The following TBXAS1 variants were observed in gnomAD, a reference collection of about 807,000 sequenced individuals.
TBXAS1 encodes thromboxane-A synthase.
Under a neutral mutation model 60.7 loss-of-function variants are expected in TBXAS1, and 48 were observed. The ratio of observed to expected loss-of-function variants is 0.79; its 90% confidence interval spans 0.63 to 1.01. TBXAS1 has a LOEUF of 1.01. Among genes scored for constraint, TBXAS1 ranks in the 50% least tolerant of loss-of-function variants. The pLI is 0.00. For missense variants in TBXAS1, 685 were observed against 686.3 expected (o/e 1.00, Z 0.02); for synonymous variants, 287 against 269.7 (o/e 1.06, Z -0.63).
At chr7:139,920,567 A>T (rs1356714110) in intron 4 of TBXAS1, among the ~76,000 whole-genome samples, 1 of 152,232 alleles carries the variant, frequency 6.6e-6, no homozygotes, top group Non-Finnish European at 1.5e-5. Flanking sequence ...CAGTGTGATC[A>T]TCCCAAGTCA....
At position 140,004,653 on chromosome 7, in the gene TBXAS1, G is replaced by A. The variant is rs556387647; in HGVS notation, c.1135-2438G>A. Among the ~76,000 whole-genome samples the A allele has an allele frequency of 2.5e-4, 38 of 152,264 alleles. No homozygotes were observed. Among genetic ancestry groups the A allele is most frequent in the Admixed American group, 7.8e-4 (12 of 15,296 alleles). ...TCCAGACCCTTCCAGGCATCCAAGG[G>A]CCCTGTCAGCCACCAGACACATGCA... On this transcript the variant is annotated intron_variant, in intron 9 of 12. Transcript: ENST00000448866. The surrounding 1 kb of genome is among the most constrained non-coding windows in gnomAD (Gnocchi z 5.1).
At chr7:139,929,821 C>A (rs1203599117) in intron 4 of TBXAS1, among the ~76,000 whole-genome samples, 1 of 152,168 alleles carries the variant, frequency 6.6e-6, no homozygotes, top group South Asian at 2.1e-4. Context: ...GAGCCTCCAC[C>A]CCCGCTCTCT....
intron 1 of TBXAS1, among the ~76,000 whole-genome samples, chr7:139,843,401 G>A (rs1799597177): frequency 2.0e-5 from 3 of 151,938 alleles, no homozygotes; most frequent in Admixed American, 2.0e-4. Context: ...GGAGTGCAGT[G>A]GCATAGTCTC....
chr7:139,862,628 A>G (rs1310067672), intron 1 of TBXAS1, among the ~76,000 whole-genome samples: 1 of 152,238 alleles, frequency 6.6e-6, no homozygotes, highest in East Asian at 1.9e-4. Flanking sequence ...TTTAAGATGG[A>G]AGACACTGGA....
Position 139,805,712 on chromosome 7 carries a change from T to TTCTCTCTCTCTC in TBXAS1, c.-80+18294_-80+18305dup, listed in dbSNP as rs1554466260. 1.8e-3 allele frequency among the ~76,000 whole-genome samples: 82 copies of TTCTCTCTCTCTC among 44,352 alleles called. 4 individuals carry two copies. The highest frequency in any genetic ancestry group is 6.3e-3 in the African/African-American group (78 of 12,372). 29.1% of individuals were successfully genotyped at this position (44,352 alleles called of 152,430 possible). A position where few individuals can be genotyped will look rare whatever the true frequency, so the allele number is the denominator to read the frequency against. On this transcript the variant is annotated intron_variant, in intron 4 of 16. Transcript: ENST00000336425. Reference sequence around the variant, plus strand: ...TTTCTTTCTTTCTTTCTTTCTTTCTTTCTCTCTCTCTCTCTCTCTTTCTTT... The same window carrying TTCTCTCTCTCTC: ...TTTCTTTCTTTCTTTCTTTCTTTCTTTCTCTCTCTCTCTCTCTCTCTCTCTCTCTCTTTCTTT...
At chr7:139,783,287 C>A (rs1215395078) in intron 3 of TBXAS1, among the ~76,000 whole-genome samples, 1 of 150,984 alleles carries the variant, frequency 6.6e-6, no homozygotes, top group Non-Finnish European at 1.5e-5. Context: ...GATCAGACAC[C>A]TGAACAGGGG....
chr7:139,801,146 C>T (rs1337176042), intron 4 of TBXAS1, among the ~76,000 whole-genome samples: 1 of 152,188 alleles, frequency 6.6e-6, no homozygotes, highest in African/African-American at 2.4e-5. Context: ...CAAGGACAGA[C>T]CACATTTTTC....
chr7:139,895,507 C>T (rs10262941), intron 3 of TBXAS1, among the ~76,000 whole-genome samples: 3,949 of 152,280 alleles, frequency 0.026, 117 homozygotes, highest in African/African-American at 0.079. Context: ...CTACTCAGCC[C>T]GGCCACTGGA....
At chr7:140,001,991 T>C (rs998935013) in intron 9 of TBXAS1, among the ~76,000 whole-genome samples, 1 of 152,206 alleles carries the variant, frequency 6.6e-6, no homozygotes, top group African/African-American at 2.4e-5. Context: ...CTTATCCACT[T>C]GTTTGCATCC....
At chr7:139,780,018 G>A (rs140298882) in intron 1 of TBXAS1, among the ~76,000 whole-genome samples, 4 of 152,294 alleles carry the variant, frequency 2.6e-5, no homozygotes, top group Admixed American at 6.5e-5. Flanking sequence ...CCGAGATAGC[G>A]TGGGAGTAAG....
chr7:139,956,216 G>A (rs1468573585), intron 7 of TBXAS1, among the ~76,000 whole-genome samples: 4 of 151,910 alleles, frequency 2.6e-5, no homozygotes, highest in Non-Finnish European at 4.4e-5. Context: ...GCACGATCTC[G>A]GCTCACCGCA....
intron 6 of TBXAS1, among the ~76,000 whole-genome samples, chr7:139,954,911 A>G (rs917147): frequency 0.89 from 134,881 of 152,262 alleles, 59,901 homozygotes; most frequent in African/African-American, 0.91. Flanking sequence ...CTTTTTGTTC[A>G]TTGCTATTAA....
At chr7:139,808,776 C>T (rs955942686) in intron 4 of TBXAS1, among the ~76,000 whole-genome samples, 1 of 152,206 alleles carries the variant, frequency 6.6e-6, no homozygotes, top group African/African-American at 2.4e-5. Context: ...ATTCCATGAA[C>T]TTCTTGAGGG....
At chr7:139,809,205 T>G (rs538861083) in intron 4 of TBXAS1, among the ~76,000 whole-genome samples, 1 of 125,012 alleles carries the variant, frequency 8.0e-6, no homozygotes, top group Non-Finnish European at 1.6e-5. Context: ...AGATGATAGA[T>G]AGATAGATAG....
intron 4 of TBXAS1, among the ~76,000 whole-genome samples, chr7:139,818,870 G>A (rs1798220794): frequency 6.6e-6 from 1 of 152,180 alleles, no homozygotes; most frequent in Admixed American, 6.5e-5. Context: ...ACCCCTGGTA[G>A]CAACTCAGCC....
intron 4 of TBXAS1, among the ~76,000 whole-genome samples, chr7:139,806,187 C>T (rs1797870970): frequency 6.6e-6 from 1 of 151,758 alleles, no homozygotes; most frequent in Non-Finnish European, 1.5e-5. Context: ...GATCCACCTG[C>T]CTCAGCCTCC....
intron 9 of TBXAS1, among the ~76,000 whole-genome samples, chr7:140,005,090 C>T (rs550002690): frequency 6.6e-6 from 1 of 152,336 alleles, no homozygotes; most frequent in South Asian, 2.1e-4. Flanking sequence ...GAGGCAGCCA[C>T]AGGTGGAGCC....
chr7:139,796,322 A>G (rs1797570876), intron 4 of TBXAS1, among the ~76,000 whole-genome samples: 2 of 152,224 alleles, frequency 1.3e-5, no homozygotes, highest in South Asian at 2.1e-4. Flanking sequence ...AAAATAAGCT[A>G]TCAAGCCACA....
At chr7:139,799,235 A>ATTT (rs35555385) in intron 4 of TBXAS1, among the ~76,000 whole-genome samples, 5 of 144,170 alleles carry the variant, frequency 3.5e-5, no homozygotes, top group African/African-American at 1.0e-4. Flanking sequence ...AGCCCAGCTA[A>ATTT]TTTTTTTTTT....
Sources: allele counts gnomAD v4.1 joint callset (sites outside exome capture counted in the v4.1 genomes callset), GRCh38; gene constraint gnomAD v4.1.1; non-coding constraint Gnocchi (gnomAD v3.1); transcripts MANE v1.5; gene names NCBI Gene and HGNC (gene_info 2026-07-23, HGNC 2026-07-21).